CNTNAP2: variants seen among roughly 807,000 people sequenced by gnomAD.
The protein encoded by CNTNAP2 is contactin associated protein 2, also known as contactin-associated protein-like 2.
A neutral mutation model predicts 155.2 loss-of-function variants in CNTNAP2; 98 were observed. That is an observed-to-expected ratio of 0.63 (90% CI 0.54 to 0.75). The LOEUF is 0.75. Ranked by LOEUF, CNTNAP2 falls within the 30% of genes least tolerant of loss-of-function variation. The pLI is 0.00. For missense variants in CNTNAP2, 1,727 were observed against 1,688.1 expected (o/e 1.02, Z -0.40); for synonymous variants, 651 against 631.2 (o/e 1.03, Z -0.47).
At chr7:147,727,747 CTT>C (rs10689191) in intron 13 of CNTNAP2, among the ~76,000 whole-genome samples, 1 of 141,648 alleles carries the variant, frequency 7.1e-6, no homozygotes. Context: ...CCAAAGCCTG[CTT>C]TTTTTTTTTT....
At chr7:147,973,273 C>T (rs564250765) in intron 14 of CNTNAP2, among the ~76,000 whole-genome samples, 12 of 151,794 alleles carry the variant, frequency 7.9e-5, no homozygotes, top group South Asian at 2.1e-4. Context: ...ATGTAGAGTC[C>T]GCTTCTTTGA....
At chr7:146,967,243 T>C (rs1434976440) in intron 3 of CNTNAP2, among the ~76,000 whole-genome samples, 1 of 152,206 alleles carries the variant, frequency 6.6e-6, no homozygotes, top group East Asian at 1.9e-4. Context: ...ATGTAGACTT[T>C]AGTAACATTA....
chr7:146,942,012 T>A (rs1021080320), intron 3 of CNTNAP2, among the ~76,000 whole-genome samples: 1 of 152,074 alleles, frequency 6.6e-6, no homozygotes, highest in Non-Finnish European at 1.5e-5. Flanking sequence ...ACTTTGACCT[T>A]CCTGTACCTG....
At chr7:146,647,488 G>C (rs188298208) in intron 1 of CNTNAP2, among the ~76,000 whole-genome samples, 8 of 152,054 alleles carry the variant, frequency 5.3e-5, no homozygotes, top group Admixed American at 5.2e-4. Context: ...TTGTTTCTTG[G>C]TTGTTACTAG....
chr7:148,400,350 G>C (rs533762236), intron 22 of CNTNAP2, among the ~76,000 whole-genome samples: 1 of 152,138 alleles, frequency 6.6e-6, no homozygotes. Context: ...GGCACTTCCC[G>C]AATTTATATT....
At chr7:147,293,558 TG>T (rs2116753968) in intron 8 of CNTNAP2, among the ~76,000 whole-genome samples, 1 of 152,284 alleles carries the variant, frequency 6.6e-6, no homozygotes, top group South Asian at 2.1e-4. Context: ...CTCTCAAGAT[TG>T]AATATTGATC....
intron 14 of CNTNAP2, among the ~76,000 whole-genome samples, chr7:147,958,495 C>T (rs1420645299): frequency 4.6e-5 from 7 of 152,084 alleles, no homozygotes; most frequent in African/African-American, 1.7e-4. Context: ...GCTCATGATG[C>T]ATTAATTGCC....
chr7:146,239,087 A>G (rs192190931), intron 1 of CNTNAP2, among the ~76,000 whole-genome samples: 12 of 152,310 alleles, frequency 7.9e-5, no homozygotes, highest in Admixed American at 7.8e-4. Flanking sequence ...TAGGGTAGAT[A>G]TGTGTTTGGA....
At position 147,816,419 on chromosome 7, in the gene CNTNAP2, A is replaced by G. The variant is rs182278216; in HGVS notation, c.2099-87146A>G. ...TGATTTTTCAATTATTAATTTTTTC[A>G]TGTATTCTGATATGATGAAAAAAAT... is the stretch of plus-strand genomic sequence containing the variant. On this transcript the variant is annotated intron_variant, in intron 13 of 23. Transcript: ENST00000361727. Among the ~76,000 whole-genome samples the G allele has an allele frequency of 1.3e-3, 196 of 150,962 alleles. 2 individuals are homozygous for G. Among genetic ancestry groups the G allele is most frequent in the African/African-American group, 4.4e-3 (181 of 41,374 alleles).
intron 21 of CNTNAP2, among the ~76,000 whole-genome samples, chr7:148,338,333 AGAACCT>A (rs1798158054): frequency 6.6e-6 from 1 of 152,186 alleles, no homozygotes; most frequent in East Asian, 1.9e-4. Context: ...TCCTTTTTGC[AGAACCT>A]GTGTCTATTA....
At chr7:146,135,255 T>A (rs1414178480) in intron 1 of CNTNAP2, among the ~76,000 whole-genome samples, 1 of 152,070 alleles carries the variant, frequency 6.6e-6, no homozygotes, top group African/African-American at 2.4e-5. Context: ...CTCATTTTTA[T>A]TTTGGGTATA....
rs941491573 is a variant in CNTNAP2 at position 146,313,413 on chromosome 7, G to T, written c.97+196440G>T. Among the ~76,000 whole-genome samples the T allele has an allele frequency of 2.0e-5, 3 of 152,040 alleles. No individual in the cohort carries two copies. The East Asian group carries it at 5.8e-4, about 29-fold the overall frequency. On this transcript the variant is annotated intron_variant, in intron 1 of 23. Transcript: ENST00000361727. ...CATTTTATAATTGGGTTGTTTTCTT[G>T]TCATGAGTTAAATTCCTCATATGAC...
chr7:147,266,559 G>T (rs1275383993), intron 8 of CNTNAP2, among the ~76,000 whole-genome samples: 2 of 152,102 alleles, frequency 1.3e-5, no homozygotes, highest in African/African-American at 4.8e-5. Context: ...TCATGATAAG[G>T]TATTTCTGCA....
At chr7:148,092,895 A>T (rs1803875143) in intron 15 of CNTNAP2, among the ~76,000 whole-genome samples, 1 of 151,278 alleles carries the variant, frequency 6.6e-6, no homozygotes, top group Non-Finnish European at 1.5e-5. Flanking sequence ...AAAAAAAAAA[A>T]AAAACAACCA....
At chr7:146,680,380 T>G (rs1800481111) in intron 1 of CNTNAP2, among the ~76,000 whole-genome samples, 1 of 152,222 alleles carries the variant, frequency 6.6e-6, no homozygotes, top group East Asian at 1.9e-4. Context: ...GTCTAAATAT[T>G]ATCTGTCAGT....
chr7:146,325,998 C>T (rs1435262483), intron 1 of CNTNAP2, among the ~76,000 whole-genome samples: 1 of 152,102 alleles, frequency 6.6e-6, no homozygotes, highest in Admixed American at 6.6e-5. Flanking sequence ...GTTTATGTTG[C>T]TTAAACCCTG....
intron 8 of CNTNAP2, among the ~76,000 whole-genome samples, chr7:147,283,001 G>A (rs1309192714): frequency 6.6e-6 from 1 of 151,896 alleles, no homozygotes; most frequent in African/African-American, 2.4e-5. Context: ...TGAAGACATT[G>A]TCTACTATGC....
chr7:147,255,046 A>T (rs1054793111), intron 8 of CNTNAP2, among the ~76,000 whole-genome samples: 2 of 152,170 alleles, frequency 1.3e-5, no homozygotes, highest in Non-Finnish European at 2.9e-5. Context: ...TGGGGAAAAA[A>T]CCTGCAGCAA....
chr7:147,024,028 A>G (rs2129247586), intron 3 of CNTNAP2, among the ~76,000 whole-genome samples: 1 of 152,272 alleles, frequency 6.6e-6, no homozygotes, highest in South Asian at 2.1e-4. Context: ...ACTTAATCAC[A>G]GTCTTTAGAT....
Sources: allele counts gnomAD v4.1 joint callset (sites outside exome capture counted in the v4.1 genomes callset), GRCh38; gene constraint gnomAD v4.1.1; transcripts MANE v1.5; gene names NCBI Gene and HGNC (gene_info 2026-07-23, HGNC 2026-07-21).